Variants in PPP2R2B observed in about 807,000 individuals in gnomAD.
The protein encoded by PPP2R2B is serine/threonine-protein phosphatase 2A 55 kDa regulatory subunit B beta isoform.
A neutral mutation model predicts 46.0 loss-of-function variants in PPP2R2B; 5 were observed. The observed-to-expected ratio is 0.11, with a 90% CI of 0.06 to 0.23. The LOEUF is 0.23. Among genes scored for constraint, PPP2R2B ranks in the 10% least tolerant of loss-of-function variants. The pLI, the probability that PPP2R2B is intolerant of heterozygous loss-of-function variation, is 1.00. For synonymous variants in PPP2R2B, 215 were observed against 206.7 expected, an observed-to-expected ratio of 1.04 and a Z score of -0.34; for missense variants, 367 against 575.0, an observed-to-expected ratio of 0.64 and a Z score of 3.70.
At chr5:146,847,682 A>G (rs1020984493) in intron 2 of PPP2R2B, among the ~76,000 whole-genome samples, 6 of 152,230 alleles carry the variant, frequency 3.9e-5, no homozygotes, top group African/African-American at 1.4e-4. Flanking sequence ...ACCTGTGAGC[A>G]GACAGCAGCA....
At chr5:146,752,533 C>T (rs931655632) in intron 2 of PPP2R2B, among the ~76,000 whole-genome samples, 1 of 152,132 alleles carries the variant, frequency 6.6e-6, no homozygotes, top group African/African-American at 2.4e-5. Context: ...AGAATAAGTG[C>T]CATGTCTGCT....
At chr5:146,718,446 G>C (rs1243572736) in intron 2 of PPP2R2B, among the ~76,000 whole-genome samples, 3 of 151,782 alleles carry the variant, frequency 2.0e-5, no homozygotes, top group Non-Finnish European at 4.4e-5. Flanking sequence ...CTGATCATTT[G>C]GATTATATCC....
intron 2 of PPP2R2B, among the ~76,000 whole-genome samples, chr5:146,812,989 G>A (rs1292285945): frequency 6.7e-6 from 1 of 148,918 alleles, no homozygotes; most frequent in African/African-American, 2.5e-5. Context: ...ATGAGATTTG[G>A]GTGGGGACAC....
At chr5:146,824,069 C>T (rs1460761235) in intron 2 of PPP2R2B, among the ~76,000 whole-genome samples, 1 of 152,136 alleles carries the variant, frequency 6.6e-6, no homozygotes, top group African/African-American at 2.4e-5. Flanking sequence ...TTATAAGCAG[C>T]TAAGCCACAA....
intron 1 of PPP2R2B, among the ~76,000 whole-genome samples, chr5:146,897,752 T>C (rs1259062261): frequency 1.3e-5 from 2 of 150,228 alleles, no homozygotes; most frequent in Non-Finnish European, 3.0e-5. Flanking sequence ...AAAAGGAGAA[T>C]AAACCTACAA....
chr5:146,743,293 T>C (rs1347762041), intron 2 of PPP2R2B, among the ~76,000 whole-genome samples: 1 of 152,176 alleles, frequency 6.6e-6, no homozygotes, highest in Admixed American at 6.5e-5. Flanking sequence ...TTTTTCAACA[T>C]ATGCTGGACT....
At chr5:147,014,935 C>T (rs1187555953) in intron 1 of PPP2R2B, among the ~76,000 whole-genome samples, 1 of 151,754 alleles carries the variant, frequency 6.6e-6, no homozygotes, top group African/African-American at 2.4e-5. Context: ...TAGACTGGGT[C>T]CTATCCCCAA....
chr5:146,759,518 C>T (rs1754030682), intron 2 of PPP2R2B, among the ~76,000 whole-genome samples: 1 of 152,168 alleles, frequency 6.6e-6, no homozygotes, highest in South Asian at 2.1e-4. Flanking sequence ...CACCTTCACC[C>T]CCACCTCCCC....
intron 1 of PPP2R2B, among the ~76,000 whole-genome samples, chr5:147,007,346 G>A (rs1323512932): frequency 6.6e-6 from 1 of 152,128 alleles, no homozygotes; most frequent in Non-Finnish European, 1.5e-5. Context: ...TAACTTTTCT[G>A]TCTAGCTAAA....
intron 1 of PPP2R2B, among the ~76,000 whole-genome samples, chr5:147,027,547 C>T (rs1392236736): frequency 6.6e-6 from 1 of 150,456 alleles, no homozygotes; most frequent in East Asian, 2.0e-4. Flanking sequence ...GCAGGAGAAT[C>T]GCTTGAACCA....
chr5:146,589,889 TA>T lies in PPP2R2B; in HGVS notation c.*57del. 1 of 1,525,484 alleles carries T rather than the reference TA, an allele frequency of 6.6e-7. No individual in the cohort carries two copies. Among genetic ancestry groups the T allele is most frequent in the Non-Finnish European group, 9.0e-7 (1 of 1,113,648 alleles). The allele number at this position is 1,525,484 out of a possible 1,614,324, so 94.5% of individuals were successfully genotyped here. ...TCAAATGAAGACCCAAAGAAACATT[TA>T]AAAACTTGTTTGACTAGTATTCAGT... On this transcript the variant is annotated 3_prime_UTR_variant, in exon 10 of 10. Transcript: ENST00000394411.
In PPP2R2B at chr5:146,586,297, G is replaced by T. The variant is rs1293687351; in HGVS notation, c.*3650C>A. ...CACGGAAGAGGGAAAATTAGTAAGG[G>T]TTCCACCATTCAGGCTGTGGACTAT... On this transcript the variant is annotated 3_prime_UTR_variant, in exon 10 of 10. Coordinates refer to ENST00000394411, the MANE Select transcript of PPP2R2B (RefSeq NM_181675.4). The T allele has an allele frequency of 1.3e-5, 2 of 152,124 alleles. No individual in the cohort carries two copies. Among genetic ancestry groups the T allele is most frequent in the Non-Finnish European group, 2.9e-5 (2 of 68,030 alleles). The allele number at this position is 152,124 out of a possible 1,614,324, so 9.4% of individuals were successfully genotyped here.
intron 2 of PPP2R2B, among the ~76,000 whole-genome samples, chr5:146,871,255 A>G (rs1300435340): frequency 6.6e-6 from 1 of 152,208 alleles, no homozygotes; most frequent in Non-Finnish European, 1.5e-5. Flanking sequence ...TGTGCAAAAG[A>G]ACATCTGCCA....
At chr5:146,772,969 T>C (rs975437119) in intron 2 of PPP2R2B, among the ~76,000 whole-genome samples, 2 of 152,220 alleles carry the variant, frequency 1.3e-5, no homozygotes, top group Non-Finnish European at 2.9e-5. Flanking sequence ...ACTTAAGCTT[T>C]TCAGATGTCA....
At chr5:146,912,238 C>CAA (rs35127306) in intron 1 of PPP2R2B, among the ~76,000 whole-genome samples, 606 of 54,872 alleles carry the variant, frequency 0.011, 15 homozygotes, top group African/African-American at 0.018. Flanking sequence ...GGCTCCGTCT[C>CAA]AAAAAAAAAA....
chr5:146,673,572 C>G (rs1243958080), intron 5 of PPP2R2B, among the ~76,000 whole-genome samples: 1 of 152,028 alleles, frequency 6.6e-6, no homozygotes, highest in Non-Finnish European at 1.5e-5. Flanking sequence ...ATGGCCCAGG[C>G]TGAGAATTCT....
At chr5:146,878,986 G>T, upstream of PPP2R2B, 1 of 1,055,890 alleles carries the variant, frequency 9.5e-7, no homozygotes. The surrounding 1 kb of genome is among the most constrained non-coding windows in gnomAD (Gnocchi z 4.5). Context: ...CCCCTCTCGC[G>T]CCACTCAGCT....
At chr5:146,733,355 T>C (rs6893578) in intron 2 of PPP2R2B, among the ~76,000 whole-genome samples, 4 of 152,234 alleles carry the variant, frequency 2.6e-5, no homozygotes, top group African/African-American at 9.6e-5. Context: ...TAAAATTAAT[T>C]GGGGGTGAGG....
intron 7 of PPP2R2B, among the ~76,000 whole-genome samples, chr5:146,633,548 A>C (rs1358909344): frequency 6.6e-6 from 1 of 152,248 alleles, no homozygotes; most frequent in Non-Finnish European, 1.5e-5. Context: ...TGGTTCTTTG[A>C]AGGAGTCAGG....
Sources: gnomAD v4.1 joint callset for allele counts (sites outside exome capture counted in the v4.1 genomes callset) on GRCh38, gnomAD v4.1.1 for gene constraint, Gnocchi (gnomAD v3.1) non-coding constraint, MANE v1.5 for transcripts, NCBI Gene and HGNC (gene_info 2026-07-23, HGNC 2026-07-21) for gene names.